DCBLD1: variants seen among roughly 807,000 people sequenced by gnomAD.
DCBLD1 encodes discoidin, CUB and LCCL domain containing 1.
In DCBLD1, 57 loss-of-function variants were observed where a neutral mutation model predicts 71.5. The observed-to-expected ratio is 0.80, with a 90% CI of 0.64 to 0.99. The LOEUF is 0.99. Among genes scored for constraint, DCBLD1 ranks in the 50% least tolerant of loss-of-function variants. The pLI, the probability that DCBLD1 is intolerant of heterozygous loss-of-function variation, is 0.00. For synonymous variants in DCBLD1, 380 were observed against 363.8 expected (o/e 1.04, Z -0.51); for missense variants, 891 against 923.5 (o/e 0.96, Z 0.46).
intron 1 of DCBLD1, among the ~76,000 whole-genome samples, chr6:117,490,255 C>CTCTGCT (rs1777245930): frequency 6.6e-6 from 1 of 152,214 alleles, no homozygotes. Flanking sequence ...GGGTTCCCCC[C>CTCTGCT]TCTGCTCCCT....
rs192753792 is a variant in DCBLD1, at chr6:117,549,159, C to T, written c.*720C>T. 45 of 985,422 alleles carry T rather than the reference C, an allele frequency of 4.6e-5. No homozygotes were observed. The highest frequency in any genetic ancestry group is 3.1e-4 in the Admixed American group (5 of 16,272). 61.0% of individuals were successfully genotyped at this position (985,422 alleles called of 1,614,324 possible). On this transcript the variant is annotated 3_prime_UTR_variant, in exon 15 of 15. Transcript: ENST00000338728. ...GGATGCGAAGAGGTCGGCCCAGCTC[C>T]GGTGACCATGAAGGTGGCACAGGAA... is the stretch of plus-strand genomic sequence containing the variant.
intron 2 of DCBLD1, among the ~76,000 whole-genome samples, chr6:117,518,469 G>C (rs1778278685): frequency 6.6e-6 from 1 of 152,014 alleles, no homozygotes; most frequent in African/African-American, 2.4e-5. Context: ...CCACATCTTC[G>C]GGTATCTTTT....
At chr6:117,530,202 A>G (rs1778669822) in intron 5 of DCBLD1, among the ~76,000 whole-genome samples, 1 of 152,186 alleles carries the variant, frequency 6.6e-6, no homozygotes, top group Non-Finnish European at 1.5e-5. Flanking sequence ...CTTTAGAATC[A>G]CAAGGTGACA....
chr6:117,491,304 A>G (rs987593609), intron 1 of DCBLD1, among the ~76,000 whole-genome samples: 1 of 152,166 alleles, frequency 6.6e-6, no homozygotes, highest in East Asian at 1.9e-4. Context: ...TTTTGAGAAT[A>G]AAATGAACCA....
At position 117,560,298 on chromosome 6, in the gene DCBLD1, TA is replaced by T. The variant is rs144361313; in HGVS notation, c.1616-9315del. ...ACGTCAAGGAAACAAAATGTTTATT[TA>T]AAAAAATGAGATCAATATCATTTTA... On this transcript the variant is annotated intron_variant, in intron 14 of 14. Coordinates refer to the DCBLD1 transcript ENST00000296955. 524 of 176,072 alleles carry T rather than the reference TA, an allele frequency of 3.0e-3. 3 individuals carry two copies. Among genetic ancestry groups the T allele is most frequent in the African/African-American group, 0.012 (498 of 42,316 alleles). 10.9% of individuals were successfully genotyped at this position (176,072 alleles called of 1,614,324 possible). A position where few individuals can be genotyped will look rare whatever the true frequency, so the allele number is the denominator to read the frequency against.
At chr6:117,566,933 CA>C in intron 14 of DCBLD1, 1 of 1,612,156 alleles carries the variant, frequency 6.2e-7, no homozygotes, top group Non-Finnish European at 8.5e-7. Flanking sequence ...CATCAAGGTA[CA>C]AACGGTAACG....
intron 1 of DCBLD1, among the ~76,000 whole-genome samples, chr6:117,502,418 T>G (rs1341300573): frequency 1.3e-5 from 2 of 152,182 alleles, no homozygotes; most frequent in Admixed American, 6.5e-5. Flanking sequence ...GCCTTGGCTG[T>G]TGAGATGATG....
intron 1 of DCBLD1, among the ~76,000 whole-genome samples, chr6:117,483,237 G>A (rs1776964672): frequency 6.6e-6 from 1 of 152,202 alleles, no homozygotes; most frequent in Non-Finnish European, 1.5e-5. Context: ...CCCGTGAGAA[G>A]TGACCTGACC....
At chr6:117,493,936 T>A (rs964624896) in intron 1 of DCBLD1, among the ~76,000 whole-genome samples, 2 of 152,192 alleles carry the variant, frequency 1.3e-5, no homozygotes, top group African/African-American at 4.8e-5. Context: ...TTTGTGAAAT[T>A]ACTCTTTGTA....
At chr6:117,512,755 G>A (rs1778066140) in intron 2 of DCBLD1, among the ~76,000 whole-genome samples, 1 of 152,120 alleles carries the variant, frequency 6.6e-6, no homozygotes, top group Non-Finnish European at 1.5e-5. Flanking sequence ...TGATGCTCCA[G>A]AAGGTTAATG....
chr6:117,515,558 A>G (rs1443330478), intron 2 of DCBLD1, among the ~76,000 whole-genome samples: 1 of 152,222 alleles, frequency 6.6e-6, no homozygotes, highest in Non-Finnish European at 1.5e-5. Context: ...AGGAATTTCA[A>G]ACATATCTAA....
downstream of DCBLD1, among the ~76,000 whole-genome samples, chr6:117,551,429 G>A (rs549877047): frequency 5.9e-5 from 9 of 151,870 alleles, no homozygotes; most frequent in African/African-American, 2.2e-4. Context: ...ACCCAGGCTG[G>A]ACTGCAGTGG....
chr6:117,548,882 T>A lies in DCBLD1; in HGVS notation c.*443T>A, dbSNP rs1203625313. 2 of 1,013,484 alleles carry A rather than the reference T, an allele frequency of 2.0e-6. No individual in the cohort carries two copies. The highest frequency in any genetic ancestry group is 2.1e-4 in the East Asian group (2 of 9,426). 62.8% of individuals were successfully genotyped at this position (1,013,484 alleles called of 1,614,324 possible). On this transcript the variant is annotated 3_prime_UTR_variant, in exon 15 of 15. Transcript: ENST00000338728. Reference sequence around the variant, plus strand: ...AATAGTATGTTCATTTTTTTCAGTATATTATCTGATACTGTGTTAGCAGCA... The same window carrying A: ...AATAGTATGTTCATTTTTTTCAGTAAATTATCTGATACTGTGTTAGCAGCA...
chr6:117,483,254 G>A (rs1450651907), intron 1 of DCBLD1, among the ~76,000 whole-genome samples: 1 of 152,220 alleles, frequency 6.6e-6, no homozygotes, highest in Non-Finnish European at 1.5e-5. Context: ...GACCCCGAGG[G>A]TCGCCTTAGG....
rs1261092788 is a variant in DCBLD1 at position 117,548,825 on chromosome 6, TG to T, written c.*389del. On this transcript the variant is annotated 3_prime_UTR_variant, in exon 15 of 15. Transcript: ENST00000338728. Reference sequence around the variant, plus strand: ...ATTTTAGTTCTGCACAGAGGTTAAGTGGGAAAATGCAGCTGTTGCAAAATGT... The same window carrying T: ...ATTTTAGTTCTGCACAGAGGTTAAGTGGAAAATGCAGCTGTTGCAAAATGT... 13 of 1,065,842 alleles carry T rather than the reference TG, an allele frequency of 1.2e-5. No homozygotes were observed. Among genetic ancestry groups the T allele is most frequent in the Non-Finnish European group, 1.5e-5 (13 of 880,976 alleles). The allele number at this position is 1,065,842 out of a possible 1,614,324, so 66.0% of individuals were successfully genotyped here.
intron 1 of DCBLD1, among the ~76,000 whole-genome samples, chr6:117,493,233 A>G (rs971217389): frequency 8.5e-5 from 13 of 152,206 alleles, no homozygotes; most frequent in African/African-American, 2.9e-4. Flanking sequence ...CAGAACAGTC[A>G]CTAATAAGAG....
Position 117,537,097 on chromosome 6 carries a change from A to C in DCBLD1, c.720-88A>C, listed in dbSNP as rs985918188. On this transcript the variant is annotated intron_variant, in intron 6 of 14. Coordinates refer to ENST00000338728, the MANE Select transcript of DCBLD1 (RefSeq NM_001366458.2). The stretch of plus-strand genomic sequence containing the variant: ...TCATGTAAGGAAGCACAGGTGGGAA[A>C]GTTCTGTGAGCCCTGGGATGTAGCT... 14 of 1,340,364 alleles carry C rather than the reference A, an allele frequency of 1.0e-5. No homozygotes were observed. The East Asian group carries it at 3.2e-4, about 31-fold the overall frequency. 83.0% of individuals were successfully genotyped at this position (1,340,364 alleles called of 1,614,324 possible).
intron 14 of DCBLD1, chr6:117,547,599 T>G: frequency 3.1e-6 from 2 of 645,406 alleles, no homozygotes; most frequent in South Asian, 3.0e-5. Flanking sequence ...TCCACCTCCA[T>G]AGCTTCTCCA....
At chr6:117,516,221 C>T (rs199691369) in intron 2 of DCBLD1, among the ~76,000 whole-genome samples, 2 of 151,150 alleles carry the variant, frequency 1.3e-5, no homozygotes, top group Non-Finnish European at 1.5e-5. Context: ...ATTAGCCAGG[C>T]GTGGTGGTGG....
Sources: gnomAD v4.1 joint callset for allele counts (sites outside exome capture counted in the v4.1 genomes callset) on GRCh38, gnomAD v4.1.1 for gene constraint, MANE v1.5 for transcripts, NCBI Gene and HGNC (gene_info 2026-07-23, HGNC 2026-07-21) for gene names.